RAPH1: variants seen among roughly 807,000 people sequenced by gnomAD.
RAPH1 encodes the protein ras-associated and pleckstrin homology domains-containing protein 1.
Under a neutral mutation model 88.1 loss-of-function variants are expected in RAPH1, and 18 were observed. That is an observed-to-expected ratio of 0.20 (90% CI 0.14 to 0.30). RAPH1 has a LOEUF of 0.30. Ranked by LOEUF, RAPH1 falls within the 10% of genes least tolerant of loss-of-function variation. The pLI is 1.00. For synonymous variants in RAPH1, 587 were observed against 559.0 expected, an observed-to-expected ratio of 1.05 and a Z score of -0.71; for missense variants, 1,448 against 1,543.2, an observed-to-expected ratio of 0.94 and a Z score of 1.03.
chr2:203,484,496 C>T (rs950203623), intron 4 of RAPH1, among the ~76,000 whole-genome samples: 1 of 151,846 alleles, frequency 6.6e-6, no homozygotes, highest in African/African-American at 2.4e-5. Flanking sequence ...ATATACCCAG[C>T]AGGACAAAGT....
rs76891512 is a variant in RAPH1, at chr2:203,441,391, C to T, written c.1799G>A (p.Arg600Gln). 1.0e-5 allele frequency: 16 copies of T among 1,560,494 alleles called. No individual in the cohort carries two copies. The highest frequency in any genetic ancestry group is 2.7e-5 in the African/African-American group (2 of 73,450). ...AGGGGGCACAAGTGAAGTGTAGGGCCGATTCATAGACTCCATTCTGGCCTA... is the reference window on the plus strand; with the variant it reads ...AGGGGGCACAAGTGAAGTGTAGGGCTGATTCATAGACTCCATTCTGGCCTA... The part of the protein sequence containing the change: ...SSKARMESMN[R>Q]PYTSLVPPLS... The change falls in exon 14 of 14, where the codon CGG becomes CAG. Residue 600 changes from arginine to glutamine, a missense_variant. By Grantham distance (43) the Arg-to-Gln change is conservative. Coordinates refer to ENST00000319170, the MANE Select transcript of RAPH1 (RefSeq NM_213589.3).
intron 1 of RAPH1, among the ~76,000 whole-genome samples, chr2:203,525,771 T>C (rs1690089240): frequency 6.6e-6 from 1 of 152,116 alleles, no homozygotes; most frequent in Admixed American, 6.6e-5. Context: ...AGTGAGACTC[T>C]GTCTCAGAAA....
intron 4 of RAPH1, among the ~76,000 whole-genome samples, chr2:203,481,580 T>C (rs1687722618): frequency 6.8e-6 from 1 of 147,556 alleles, no homozygotes. Context: ...TATATATATA[T>C]ATATATATAT....
chr2:203,458,706 T>G (rs2098521827), intron 7 of RAPH1, among the ~76,000 whole-genome samples: 1 of 152,186 alleles, frequency 6.6e-6, no homozygotes, highest in South Asian at 2.1e-4. Context: ...TCTGCAGTTG[T>G]GCAAATCCAC....
intron 7 of RAPH1, 138 bp from the exon 8 acceptor site, chr2:203,457,733 T>C (rs1241114967): frequency 5.6e-6 from 4 of 715,244 alleles, no homozygotes; most frequent in Non-Finnish European, 9.7e-6. Context: ...TTTCTGTTGG[T>C]ATAGAGTAGA....
chr2:203,503,825 C>T (rs754650882), intron 1 of RAPH1, among the ~76,000 whole-genome samples: 6 of 152,182 alleles, frequency 3.9e-5, no homozygotes, highest in Non-Finnish European at 7.3e-5. Flanking sequence ...TAAATACAGC[C>T]GTTCCAAATG....
At chr2:203,477,400 G>A (rs544875187) in intron 4 of RAPH1, among the ~76,000 whole-genome samples, 8 of 152,308 alleles carry the variant, frequency 5.3e-5, no homozygotes, top group African/African-American at 1.9e-4. Flanking sequence ...CTGGATAGTA[G>A]AGTTCTATGA....
In RAPH1 at chr2:203,439,474, T is replaced by G; in HGVS notation, c.3716A>C (p.Lys1239Thr). 6.2e-7 allele frequency: 1 copy of G among 1,613,884 alleles called. No individual in the cohort carries two copies. The highest frequency in any genetic ancestry group is 8.5e-7 in the Non-Finnish European group (1 of 1,179,974). Reference sequence around the variant, plus strand: ...GGAGAGCTTGGTGTTCTGGTCTCTTTTGGGGGGAGCAGGAGGGGGTCCTCT... The same window carrying G: ...GGAGAGCTTGGTGTTCTGGTCTCTTGTGGGGGGAGCAGGAGGGGGTCCTCT... ...LRRGPPPAPPKRDQNTKLSRD... is the reference protein window; with the variant it reads ...LRRGPPPAPPTRDQNTKLSRD... Residue 1239 changes from lysine to threonine, a missense_variant, in exon 14 of 14, where the codon AAA (lysine) becomes ACA (threonine). Lys to Thr is a moderately conservative substitution (Grantham distance 78). This residue lies in a region of RAPH1 where 935 missense variants were observed against 890.1 expected (regional missense o/e 1.05). Coordinates refer to ENST00000319170, the MANE Select transcript of RAPH1 (RefSeq NM_213589.3).
intron 1 of RAPH1, among the ~76,000 whole-genome samples, chr2:203,504,675 A>C (rs537073502): frequency 8.9e-4 from 135 of 152,220 alleles, no homozygotes; most frequent in African/African-American, 3.2e-3. Flanking sequence ...TCTCCTAAAA[A>C]AAAAAAAAAA....
intron 1 of RAPH1, among the ~76,000 whole-genome samples, chr2:203,517,770 T>G (rs1401586879): frequency 6.6e-6 from 1 of 151,932 alleles, no homozygotes. Flanking sequence ...AAATAACACC[T>G]GGGTCAAAGA....
chr2:203,522,911 A>AAAAAAG (rs1689955530), intron 1 of RAPH1, among the ~76,000 whole-genome samples: 1 of 151,218 alleles, frequency 6.6e-6, no homozygotes, highest in Non-Finnish European at 1.5e-5. Context: ...AAAAAAAAAA[A>AAAAAAG]AAAAAGAAAA....
At position 203,438,305 on chromosome 2, in the gene RAPH1, G is replaced by T; in HGVS notation, c.*1132C>A. 1 of 407,226 alleles carries T rather than the reference G, an allele frequency of 2.5e-6. No individual in the cohort carries two copies. The highest frequency in any genetic ancestry group is 4.9e-6 in the Non-Finnish European group (1 of 203,606). 25.2% of individuals were successfully genotyped at this position (407,226 alleles called of 1,614,324 possible). A position where few individuals can be genotyped will look rare whatever the true frequency, so the allele number is the denominator to read the frequency against. The stretch of plus-strand genomic sequence containing the variant: ...ACCAGATTAATGACACCTGTACAGG[G>T]GCCAGTTCTGTTCTCTCATCACCCT... On this transcript the variant is annotated 3_prime_UTR_variant, in exon 14 of 14. Transcript: ENST00000319170.
chr2:203,449,937 C>T (rs1227123224), intron 10 of RAPH1, among the ~76,000 whole-genome samples: 4 of 151,320 alleles, frequency 2.6e-5, no homozygotes, highest in Non-Finnish European at 4.4e-5. Flanking sequence ...ACAGGAGAAT[C>T]GCTTAAACCC....
At position 203,437,263 on chromosome 2, in the gene RAPH1, AGTGTT is replaced by A. The variant is rs2153631877; in HGVS notation, c.*2169_*2173del. On this transcript the variant is annotated 3_prime_UTR_variant, in exon 14 of 14. Transcript: ENST00000319170. ...TTTTTTCCCCCTCAAGAAAAACTGA[AGTGTT>A]GTCTACCTTCTCATGAGAAAATCAC... The A allele has an allele frequency of 6.6e-6, 1 of 152,372 alleles. No homozygotes were observed. The highest frequency in any genetic ancestry group is 1.9e-4 in the East Asian group (1 of 5,190). 9.4% of individuals were successfully genotyped at this position (152,372 alleles called of 1,614,324 possible). A position where few individuals can be genotyped will look rare whatever the true frequency, so the allele number is the denominator to read the frequency against.
intron 4 of RAPH1, among the ~76,000 whole-genome samples, chr2:203,482,989 G>A (rs1205207494): frequency 6.6e-6 from 1 of 152,166 alleles, no homozygotes; most frequent in African/African-American, 2.4e-5. Context: ...GGGCAGGGTT[G>A]AATAAGTGCA....
chr2:203,494,812 AAAAAAAAAAAAG>A (rs1293450426), intron 2 of RAPH1, among the ~76,000 whole-genome samples: 26 of 151,090 alleles, frequency 1.7e-4, no homozygotes, highest in African/African-American at 4.4e-4. Context: ...TCCGTCTCAA[AAAAAAAAAAAAG>A]AAAAAAAAAA....
chr2:203,455,612 T>G (rs370379322), intron 8 of RAPH1, 32 bp from the exon 9 acceptor site: 1 of 1,601,288 alleles, frequency 6.2e-7, no homozygotes, highest in Non-Finnish European at 8.5e-7. Context: ...CAAAGACTTA[T>G]GATCGTTGGA....
intron 4 of RAPH1, among the ~76,000 whole-genome samples, chr2:203,462,521 C>A (rs2098524956): frequency 6.6e-6 from 1 of 152,210 alleles, no homozygotes; most frequent in Non-Finnish European, 1.5e-5. Context: ...AAGTTTCACT[C>A]TGCTTTGGAA....
intron 1 of RAPH1, among the ~76,000 whole-genome samples, chr2:203,527,737 T>C (rs980174065): frequency 1.0e-4 from 15 of 148,034 alleles, no homozygotes; most frequent in Admixed American, 2.7e-4. Flanking sequence ...GAGGCGAAGG[T>C]TGTGGTGAGC....
Sources: allele counts gnomAD v4.1 joint callset (sites outside exome capture counted in the v4.1 genomes callset), GRCh38; gene constraint gnomAD v4.1.1; regional missense constraint gnomAD v4.1.1; transcripts MANE v1.5; gene names NCBI Gene and HGNC (gene_info 2026-07-23, HGNC 2026-07-21).